The following PTPN4 variants were observed in gnomAD, a reference collection of about 807,000 sequenced individuals.
PTPN4 encodes the protein protein tyrosine phosphatase non-receptor type 4.
In PTPN4, 49 loss-of-function variants were observed where a neutral mutation model predicts 135.5. The ratio of observed to expected loss-of-function variants is 0.36; its 90% CI spans 0.29 to 0.46. The LOEUF (loss-of-function observed/expected upper bound fraction) is 0.46. Ranked by LOEUF, PTPN4 falls within the 20% of genes least tolerant of loss-of-function variation. The pLI is 1.00. For missense variants in PTPN4, 860 were observed against 1,101.0 expected, an observed-to-expected ratio of 0.78 and a Z score of 3.10; for synonymous variants, 333 against 369.9, an observed-to-expected ratio of 0.90 and a Z score of 1.14.
In PTPN4 at chr2:119,861,085, G is replaced by A. The variant is rs148977317; in HGVS notation, c.139-1451G>A. On this transcript the variant is annotated intron_variant, in intron 2 of 26. Transcript: ENST00000263708. ...AAAGTTTATTTTGGCTGGGAGGTCC[G>A]GGATCAGATGGCCACATCTGGTCTG... Among the ~76,000 whole-genome samples the A allele has an allele frequency of 7.3e-5, 11 of 151,708 alleles. No individual in the cohort carries two copies. In the East Asian group the frequency reaches 1.2e-3, roughly 16 times the overall value.
chr2:119,785,113 G>A (rs568139071), intron 1 of PTPN4, among the ~76,000 whole-genome samples: 23 of 152,206 alleles, frequency 1.5e-4, no homozygotes, highest in African/African-American at 4.8e-4. Flanking sequence ...CGTCCCTGGC[G>A]TCTCTGCACT....
At chr2:119,815,047 C>G (rs192301826) in intron 2 of PTPN4, among the ~76,000 whole-genome samples, 1 of 152,208 alleles carries the variant, frequency 6.6e-6, no homozygotes, top group Admixed American at 6.5e-5. Context: ...TTTATTATTT[C>G]ACCTTGCTGT....
chr2:119,902,803 G>C (rs1437519109), intron 10 of PTPN4, among the ~76,000 whole-genome samples: 1 of 152,170 alleles, frequency 6.6e-6, no homozygotes, highest in Non-Finnish European at 1.5e-5. Context: ...TATGAGAGAG[G>C]CCCTTGACCC....
chr2:119,822,997 A>G (rs190912579), intron 2 of PTPN4, among the ~76,000 whole-genome samples: 3 of 152,340 alleles, frequency 2.0e-5, no homozygotes, highest in Non-Finnish European at 4.4e-5. Context: ...TTTGGGGACT[A>G]TAACAAGAGT....
chr2:119,770,180 A>T (rs748500420), intron 1 of PTPN4, among the ~76,000 whole-genome samples: 14 of 152,206 alleles, frequency 9.2e-5, no homozygotes, highest in Admixed American at 7.9e-4. Flanking sequence ...GCTCTTTATC[A>T]TCAAGATTAT....
intron 2 of PTPN4, among the ~76,000 whole-genome samples, chr2:119,842,709 G>T (rs1316247914): frequency 1.3e-5 from 2 of 152,144 alleles, no homozygotes; most frequent in East Asian, 3.8e-4. Flanking sequence ...ATAGTACAGA[G>T]AGGTCTCATT....
chr2:119,897,738 G>C (rs2105013073), intron 9 of PTPN4, among the ~76,000 whole-genome samples: 1 of 152,064 alleles, frequency 6.6e-6, no homozygotes, highest in South Asian at 2.1e-4. Flanking sequence ...TTTAATCATA[G>C]TTCCAAAGAT....
chr2:119,803,440 G>A (rs957348160), intron 1 of PTPN4, among the ~76,000 whole-genome samples: 5 of 152,068 alleles, frequency 3.3e-5, no homozygotes, highest in African/African-American at 4.8e-5. Context: ...AGTGGATAAC[G>A]TAGACTTGTT....
chr2:119,794,194 G>A lies in PTPN4; in HGVS notation c.-17-15643G>A, dbSNP rs1691210519. The stretch of plus-strand genomic sequence containing the variant: ...GTTGAGGTAAAGTAGCATATAATAA[G>A]TGACATATGTTTAGAGTATAGTACT... On this transcript the variant is annotated intron_variant, in intron 1 of 26. Transcript: ENST00000263708. Among the ~76,000 whole-genome samples, 3 of 152,064 alleles carry A rather than the reference G, an allele frequency of 2.0e-5. 1 individual carries two copies. The South Asian group carries it at 6.2e-4, about 31-fold the overall frequency.
In PTPN4 at chr2:119,952,852, A is replaced by G. The variant is rs529053738; in HGVS notation, c.1813+723A>G. Reference sequence around the variant, plus strand: ...ACAACCTCAAGAACATTCTACCAATATAGATAGAGCACTTTGTGGCTCCTG... The same window carrying G: ...ACAACCTCAAGAACATTCTACCAATGTAGATAGAGCACTTTGTGGCTCCTG... On this transcript the variant is annotated intron_variant, in intron 19 of 26. Coordinates refer to ENST00000263708, the MANE Select transcript of PTPN4 (RefSeq NM_002830.4). 4.6e-5 allele frequency among the ~76,000 whole-genome samples: 7 copies of G among 152,326 alleles called. No homozygotes were observed. The South Asian group carries it at 1.2e-3, about 27-fold the overall frequency.
At chr2:119,836,190 A>G (rs1349966719) in intron 2 of PTPN4, among the ~76,000 whole-genome samples, 1 of 152,240 alleles carries the variant, frequency 6.6e-6, no homozygotes, top group African/African-American at 2.4e-5. Flanking sequence ...ACACCACTAC[A>G]CACATGGAGA....
intron 1 of PTPN4, among the ~76,000 whole-genome samples, chr2:119,804,224 T>A (rs1237539693): frequency 6.6e-6 from 1 of 152,116 alleles, no homozygotes; most frequent in Non-Finnish European, 1.5e-5. Context: ...GGGATCCTCC[T>A]ACCTCAGCCT....
At chr2:119,897,540 T>G (rs1239842897) in intron 9 of PTPN4, among the ~76,000 whole-genome samples, 1 of 152,206 alleles carries the variant, frequency 6.6e-6, no homozygotes, top group Non-Finnish European at 1.5e-5. Context: ...TATCCTATAA[T>G]TATTTACTTG....
chr2:119,760,355 G>A lies in PTPN4; in HGVS notation c.-47G>A. The A allele has an allele frequency of 2.5e-6, 1 of 392,718 alleles. No homozygotes were observed. Among genetic ancestry groups the A allele is most frequent in the Non-Finnish European group, 4.5e-6 (1 of 222,616 alleles). 24.3% of individuals were successfully genotyped at this position (392,718 alleles called of 1,614,324 possible). ...GGGGCCTCGAGGCTTTTTTTCTCCA[G>A]CCGAGAGGACGCGGCTGTGATATAC... is the stretch of plus-strand genomic sequence containing the variant. On this transcript the variant is annotated 5_prime_UTR_variant, in exon 1 of 27. Transcript: ENST00000263708.
At position 119,759,930 on chromosome 2, in the gene PTPN4, C is replaced by T. The variant is rs1690445199; in HGVS notation, c.-472C>T. The T allele has an allele frequency of 2.8e-6, 1 of 355,312 alleles. No individual in the cohort carries two copies. Among genetic ancestry groups the T allele is most frequent in the Non-Finnish European group, 5.0e-6 (1 of 198,816 alleles). 22.0% of individuals were successfully genotyped at this position (355,312 alleles called of 1,614,324 possible). On this transcript the variant is annotated 5_prime_UTR_variant, in exon 1 of 27. Coordinates refer to ENST00000263708, the MANE Select transcript of PTPN4 (RefSeq NM_002830.4). Reference sequence around the variant, plus strand: ...ACACACAAACGCTGCCCAGGATTACCCGCCAGCTCACGCCGCGCAGTGCGC... The same window carrying T: ...ACACACAAACGCTGCCCAGGATTACTCGCCAGCTCACGCCGCGCAGTGCGC...
At chr2:119,893,933 A>G (rs1678280429) in intron 9 of PTPN4, among the ~76,000 whole-genome samples, 1 of 152,152 alleles carries the variant, frequency 6.6e-6, no homozygotes, top group Admixed American at 6.5e-5. Flanking sequence ...GAGAACAGTA[A>G]TTTTGAGGGC....
At chr2:119,971,296 A>C (rs1290145861) in intron 26 of PTPN4, among the ~76,000 whole-genome samples, 1 of 152,174 alleles carries the variant, frequency 6.6e-6, no homozygotes, top group African/African-American at 2.4e-5. Context: ...AGAGAACTCT[A>C]TCACGAGAAC....
intron 2 of PTPN4, among the ~76,000 whole-genome samples, chr2:119,859,774 C>A (rs1190746181): frequency 2.0e-5 from 3 of 152,160 alleles, no homozygotes; most frequent in African/African-American, 7.2e-5. Flanking sequence ...GGTATAAGTT[C>A]AGGCTTTTCA....
chr2:119,787,406 GTATTCT>G (rs905507035), intron 1 of PTPN4, among the ~76,000 whole-genome samples: 25 of 152,162 alleles, frequency 1.6e-4, no homozygotes, highest in Non-Finnish European at 3.4e-4. Context: ...TGTTTAAGTA[GTATTCT>G]TATTAATATT....
Sources: allele counts gnomAD v4.1 joint callset (sites outside exome capture counted in the v4.1 genomes callset), GRCh38; gene constraint gnomAD v4.1.1; transcripts MANE v1.5; gene names NCBI Gene and HGNC (gene_info 2026-07-23, HGNC 2026-07-21).